Variants in TUSC3 observed in about 807,000 individuals in gnomAD.
The protein encoded by TUSC3 is dolichyl-diphosphooligosaccharide--protein glycosyltransferase subunit TUSC3.
TUSC3 carries 45 observed loss-of-function variants against 44.8 expected under a neutral mutation model. The observed-to-expected ratio is 1.00, with a 90% confidence interval of 0.79 to 1.29. The LOEUF (loss-of-function observed/expected upper bound fraction) is 1.29. Among genes scored for constraint, TUSC3 ranks in the 50% most tolerant of loss-of-function variants. TUSC3 has a pLI of 0.00. For missense variants in TUSC3, 519 were observed against 437.9 expected (o/e 1.19, Z -1.65); for synonymous variants, 212 against 152.9 (o/e 1.39, Z -2.85).
the TUSC3 span, among the ~76,000 whole-genome samples, chr8:15,837,694 G>A: frequency 6.6e-6 from 1 of 152,092 alleles, no homozygotes; most frequent in Non-Finnish European, 1.5e-5. Context: ...TTTGTTTAGT[G>A]TTCTAGCTTC....
the TUSC3 span, among the ~76,000 whole-genome samples, chr8:15,782,765 C>G: frequency 6.6e-6 from 1 of 152,118 alleles, no homozygotes; most frequent in African/African-American, 2.4e-5. Context: ...GTATGACAAG[C>G]CAAAAGCTAA....
At chr8:15,420,461 G>A (rs1281536786) in intron 1 of TUSC3, among the ~76,000 whole-genome samples, 3 of 151,846 alleles carry the variant, frequency 2.0e-5, no homozygotes, top group Non-Finnish European at 4.4e-5. Flanking sequence ...TCATGCCACT[G>A]CACTCCAGCC....
chr8:15,668,053 T>C (rs992185327), intron 5 of TUSC3, among the ~76,000 whole-genome samples: 2 of 151,782 alleles, frequency 1.3e-5, no homozygotes, highest in East Asian at 3.9e-4. Context: ...GTTTATTGAA[T>C]GCTTGCCTGC....
At chr8:15,636,113 T>C (rs1806061957) in intron 2 of TUSC3, among the ~76,000 whole-genome samples, 1 of 152,180 alleles carries the variant, frequency 6.6e-6, no homozygotes, top group African/African-American at 2.4e-5. Flanking sequence ...CCTTGAGTTC[T>C]GCCCACTGAG....
chr8:15,641,203 T>C (rs1358008257), intron 2 of TUSC3, among the ~76,000 whole-genome samples: 1 of 150,632 alleles, frequency 6.6e-6, no homozygotes, highest in Non-Finnish European at 1.5e-5. Flanking sequence ...CTACCAGAAA[T>C]AGAGAAAATT....
At chr8:15,457,898 G>GATA in intron 1 of TUSC3, among the ~76,000 whole-genome samples, 1 of 148,898 alleles carries the variant, frequency 6.7e-6, no homozygotes, top group East Asian at 2.0e-4. Flanking sequence ...TAATTAATTA[G>GATA]ATAATTACTA....
intron 1 of TUSC3, among the ~76,000 whole-genome samples, chr8:15,475,709 GTGT>G (rs1402518979): frequency 1.3e-5 from 2 of 152,164 alleles, no homozygotes; most frequent in East Asian, 1.9e-4. Flanking sequence ...TGGCTTAAGT[GTGT>G]TGTTGTCTTA....
intron 1 of TUSC3, among the ~76,000 whole-genome samples, chr8:15,435,345 G>A (rs1799932590): frequency 6.6e-6 from 1 of 152,116 alleles, no homozygotes; most frequent in Non-Finnish European, 1.5e-5. Flanking sequence ...AGTGGGCGAA[G>A]GATATGAACA....
intron 6 of TUSC3, among the ~76,000 whole-genome samples, chr8:15,709,908 G>A (rs895293867): frequency 6.6e-6 from 1 of 151,740 alleles, no homozygotes; most frequent in African/African-American, 2.4e-5. Flanking sequence ...CTCAAATTCA[G>A]CTTCCTAAAT....
At chr8:15,518,073 G>A (rs569270480) in intron 2 of TUSC3, among the ~76,000 whole-genome samples, 2 of 151,760 alleles carry the variant, frequency 1.3e-5, no homozygotes, top group Non-Finnish European at 2.9e-5. Flanking sequence ...TCCACTTTCA[G>A]TCTCTGTATA....
intron 1 of TUSC3, among the ~76,000 whole-genome samples, chr8:15,437,926 C>A (rs568194296): frequency 6.6e-6 from 1 of 152,150 alleles, no homozygotes; most frequent in Non-Finnish European, 1.5e-5. Context: ...AAAACATTAT[C>A]CCAAAGTGGT....
intron 6 of TUSC3, among the ~76,000 whole-genome samples, chr8:15,700,536 C>G (rs1563180187): frequency 6.6e-6 from 1 of 151,974 alleles, no homozygotes; most frequent in African/African-American, 2.4e-5. Context: ...GAAAATAGGA[C>G]AGAATGAAGA....
chr8:15,637,197 A>G (rs374294997), intron 2 of TUSC3, among the ~76,000 whole-genome samples: 2 of 152,092 alleles, frequency 1.3e-5, no homozygotes, highest in East Asian at 3.9e-4. Context: ...CTAATTCTCC[A>G]TATGTTTAAT....
At chr8:15,450,145 G>T (rs981174403) in intron 1 of TUSC3, among the ~76,000 whole-genome samples, 1 of 152,172 alleles carries the variant, frequency 6.6e-6, no homozygotes, top group African/African-American at 2.4e-5. Context: ...TAAAAAAAGT[G>T]TGAGAGGCTT....
the TUSC3 span, among the ~76,000 whole-genome samples, chr8:15,807,448 G>C: frequency 6.6e-6 from 1 of 152,032 alleles, no homozygotes; most frequent in East Asian, 1.9e-4. Flanking sequence ...GGAAAGCAAA[G>C]AAATTAAAGC....
chr8:15,472,741 C>T (rs12114852), intron 1 of TUSC3, among the ~76,000 whole-genome samples: 4,775 of 152,032 alleles, frequency 0.031, 148 homozygotes, highest in Middle Eastern at 0.079. Context: ...CATATGGTGC[C>T]GATAATTTAC....
chr8:15,749,796 T>C (rs943599247), intron 9 of TUSC3, among the ~76,000 whole-genome samples: 3 of 148,526 alleles, frequency 2.0e-5, no homozygotes, highest in Non-Finnish European at 3.0e-5. Flanking sequence ...TGATTGGTAC[T>C]TAGTTTGGCC....
intron 1 of TUSC3, among the ~76,000 whole-genome samples, chr8:15,599,357 A>AT (rs1336361691): frequency 6.6e-6 from 1 of 151,478 alleles, no homozygotes; most frequent in Non-Finnish European, 1.5e-5. Context: ...TTTGGCAAAT[A>AT]TTTTCTCCCA....
At chr8:15,593,427 A>C (rs1046732862) in intron 1 of TUSC3, among the ~76,000 whole-genome samples, 1 of 152,206 alleles carries the variant, frequency 6.6e-6, no homozygotes, top group South Asian at 2.1e-4. Flanking sequence ...TCACTTACTA[A>C]AATAATATGG....
Sources: allele counts gnomAD v4.1 joint callset (sites outside exome capture counted in the v4.1 genomes callset), GRCh38; gene constraint gnomAD v4.1.1; transcripts MANE v1.5; gene names NCBI Gene and HGNC (gene_info 2026-07-23, HGNC 2026-07-21).